Variants in CUL3 observed in about 807,000 individuals in gnomAD.
The protein encoded by CUL3 is cullin-3.
CUL3 carries 19 observed loss-of-function variants against 89.1 expected under a neutral mutation model. That is an observed-to-expected ratio of 0.21 (90% CI 0.15 to 0.31). The LOEUF (loss-of-function observed/expected upper bound fraction) is 0.31. CUL3 is among the 10% of genes least tolerant of loss of function. The pLI is 1.00. For synonymous variants in CUL3, 351 were observed against 308.4 expected, an observed-to-expected ratio of 1.14 and a Z score of -1.45; for missense variants, 469 against 942.3, an observed-to-expected ratio of 0.50 and a Z score of 6.58.
intron 5 of CUL3, 118 bp downstream of exon 5, chr2:224,513,406 T>C: frequency 1.5e-6 from 1 of 675,514 alleles, no homozygotes; most frequent in South Asian, 1.9e-5. Context: ...ATTTTTTGCA[T>C]ACTCCCCTCC....
chr2:224,565,775 C>G (rs1695027910), intron 1 of CUL3, among the ~76,000 whole-genome samples: 1 of 152,206 alleles, frequency 6.6e-6, no homozygotes, highest in Non-Finnish European at 1.5e-5. Flanking sequence ...GATCCATATC[C>G]TGAAACCCTT....
At chr2:224,573,296 T>G (rs968507554) in intron 1 of CUL3, among the ~76,000 whole-genome samples, 1 of 152,248 alleles carries the variant, frequency 6.6e-6, no homozygotes, top group Non-Finnish European at 1.5e-5. Flanking sequence ...ATTTTTTTAA[T>G]GTGTGTCGTC....
chr2:224,496,445 G>GCA (rs965884985), intron 12 of CUL3, among the ~76,000 whole-genome samples: 1 of 152,076 alleles, frequency 6.6e-6, no homozygotes, highest in African/African-American at 2.4e-5. Context: ...TAAAATGTGT[G>GCA]CACACACACA....
At chr2:224,528,992 CCTT>C (rs1196846593) in intron 3 of CUL3, among the ~76,000 whole-genome samples, 1 of 152,082 alleles carries the variant, frequency 6.6e-6, no homozygotes, top group Non-Finnish European at 1.5e-5. Flanking sequence ...CTTCTATTAG[CCTT>C]CTTAACAGAA....
intron 14 of CUL3, chr2:224,479,801 T>C (rs889713962): frequency 2.6e-5 from 4 of 152,206 alleles, no homozygotes; most frequent in African/African-American, 9.6e-5. Context: ...TCACTTTCTT[T>C]GTGGATTTGA....
chr2:224,538,767 G>A (rs1418831783), intron 2 of CUL3, among the ~76,000 whole-genome samples: 2 of 152,232 alleles, frequency 1.3e-5, no homozygotes, highest in Non-Finnish European at 2.9e-5. Context: ...AAGTAATGGA[G>A]AACTGATGGC....
intron 12 of CUL3, 35 bp from the exon 13 acceptor site, chr2:224,496,001 C>T (rs2106180527): frequency 6.2e-7 from 1 of 1,604,272 alleles, no homozygotes; most frequent in East Asian, 2.2e-5. Flanking sequence ...AACAAAGACA[C>T]AATCATTTCC....
intron 15 of CUL3, among the ~76,000 whole-genome samples, chr2:224,477,827 A>G (rs1691379451): frequency 6.6e-6 from 1 of 152,184 alleles, no homozygotes; most frequent in Admixed American, 6.5e-5. Context: ...TGGCTTCCTA[A>G]GGGGTCTTCC....
At position 224,485,579 on chromosome 2, in the gene CUL3, G is replaced by A. The variant is rs2106158972; in HGVS notation, c.1843-3501C>T. Among the ~76,000 whole-genome samples, 1 of 152,280 alleles carries A rather than the reference G, an allele frequency of 6.6e-6. No individual in the cohort carries two copies. The highest frequency in any genetic ancestry group is 2.1e-4 in the South Asian group (1 of 4,820). ...CTCTAGATTCCTCTTGACTGGGCAG[G>A]GCATCTCGGAAAGAAAGGCAGCAGC... On this transcript the variant is annotated intron_variant, in intron 13 of 15. Transcript: ENST00000264414. The surrounding 1 kb of genome is among the most constrained non-coding windows in gnomAD (Gnocchi z 4.1).
chr2:224,502,874 A>G, intron 10 of CUL3, 91 bp downstream of exon 10: 1 of 864,156 alleles, frequency 1.2e-6, no homozygotes, highest in South Asian at 1.6e-5. Context: ...ACATTTAAAG[A>G]AACAACTGTC....
intron 2 of CUL3, among the ~76,000 whole-genome samples, chr2:224,541,554 C>T (rs959474144): frequency 6.6e-6 from 1 of 152,176 alleles, no homozygotes. Context: ...GACCCAGCAA[C>T]CCTACTTCTA....
Position 224,570,046 on chromosome 2 carries a change from A to T in CUL3, c.67-12190T>A, listed in dbSNP as rs79590954. ...CTGATACAACTAAACTATTAATTAC[A>T]TAAGGAAGCTCCCTCCCAAACTGTA... is the stretch of plus-strand genomic sequence containing the variant. On this transcript the variant is annotated intron_variant, in intron 1 of 15. Transcript: ENST00000264414. Among the ~76,000 whole-genome samples the T allele has an allele frequency of 2.0e-5, 3 of 151,708 alleles. No homozygotes were observed. The South Asian group carries it at 6.2e-4, about 32-fold the overall frequency.
chr2:224,574,643 G>T (rs925724748), intron 1 of CUL3, among the ~76,000 whole-genome samples: 2 of 152,116 alleles, frequency 1.3e-5, no homozygotes, highest in African/African-American at 4.8e-5. Context: ...CACCCTCCAG[G>T]CTCCCTGTAA....
intron 8 of CUL3, among the ~76,000 whole-genome samples, chr2:224,504,731 T>C (rs1397840258): frequency 6.6e-6 from 1 of 152,256 alleles, no homozygotes; most frequent in Non-Finnish European, 1.5e-5. Flanking sequence ...CCTTAGTGAT[T>C]TTGTTCCCTT....
chr2:224,556,720 G>A (rs1009648268), intron 2 of CUL3, among the ~76,000 whole-genome samples: 1 of 152,096 alleles, frequency 6.6e-6, no homozygotes, highest in African/African-American at 2.4e-5. Flanking sequence ...CTTTGGTTAA[G>A]TAAGATTTCT....
At chr2:224,503,288 G>A (rs1333134893) in intron 9 of CUL3, among the ~76,000 whole-genome samples, 3 of 152,104 alleles carry the variant, frequency 2.0e-5, no homozygotes, top group African/African-American at 7.2e-5. Flanking sequence ...CCCATGAAAG[G>A]CAGGGCCCAG....
At chr2:224,531,667 G>A (rs1693701383) in intron 3 of CUL3, among the ~76,000 whole-genome samples, 1 of 152,100 alleles carries the variant, frequency 6.6e-6, no homozygotes, top group African/African-American at 2.4e-5. Flanking sequence ...CAGCCAGTGG[G>A]GAGTACGTGG....
chr2:224,572,016 G>C (rs1271052161), intron 1 of CUL3, among the ~76,000 whole-genome samples: 1 of 152,168 alleles, frequency 6.6e-6, no homozygotes, highest in African/African-American at 2.4e-5. Context: ...TGTCCTTCCA[G>C]GGTACCATGT....
At chr2:224,577,067 G>A (rs1212390860) in intron 1 of CUL3, among the ~76,000 whole-genome samples, 1 of 152,194 alleles carries the variant, frequency 6.6e-6, no homozygotes, top group Non-Finnish European at 1.5e-5. Context: ...TATGGCATTC[G>A]ATGTAACTGC....
Sources: allele counts gnomAD v4.1 joint callset (sites outside exome capture counted in the v4.1 genomes callset), GRCh38; gene constraint gnomAD v4.1.1; non-coding constraint Gnocchi (gnomAD v3.1); transcripts MANE v1.5; gene names NCBI Gene and HGNC (gene_info 2026-07-23, HGNC 2026-07-21).